The following MTAP variants were observed in gnomAD, a reference collection of about 807,000 sequenced individuals.
MTAP encodes methylthioadenosine phosphorylase, also known as S-methyl-5'-thioadenosine phosphorylase.
MTAP carries 33 observed loss-of-function variants against 33.6 expected under a neutral mutation model. The observed-to-expected ratio is 0.98, with a 90% CI of 0.74 to 1.31. MTAP has a LOEUF of 1.31. MTAP is among the 40% of genes most tolerant of loss of function. The probability of loss-of-function intolerance (pLI) is 0.00; values close to 1 mark genes in which losing one functional copy is unlikely to be tolerated. For synonymous variants in MTAP, 148 were observed against 125.7 expected, an observed-to-expected ratio of 1.18 and a Z score of -1.19; for missense variants, 367 against 360.0, an observed-to-expected ratio of 1.02 and a Z score of -0.16.
rs190955657 is a variant in MTAP at position 21,912,459 on chromosome 9, G to C, written c.148-18549G>C. Among the ~76,000 whole-genome samples the C allele has an allele frequency of 8.1e-4, 124 of 152,270 alleles. 1 individual carries two copies. Among genetic ancestry groups the C allele is most frequent in the Non-Finnish European group, 1.8e-4 (12 of 68,018 alleles). On this transcript the variant is annotated intron_variant, in intron 1 of 1. Transcript: ENST00000577563. ...ATGATCAAGTGGGCTTCATCCCTGG[G>C]ATGCAAGGCTGGTTCAACATACACA...
intron 1 of MTAP, among the ~76,000 whole-genome samples, chr9:21,885,844 C>T (rs1231342727): frequency 6.7e-6 from 1 of 148,906 alleles, no homozygotes; most frequent in Non-Finnish European, 1.5e-5. Flanking sequence ...TTTTCTTCAT[C>T]CACTCGTTGA....
At chr9:21,885,497 T>G (rs1414983876) in intron 1 of MTAP, among the ~76,000 whole-genome samples, 1 of 152,018 alleles carries the variant, frequency 6.6e-6, no homozygotes, top group East Asian at 1.9e-4. Flanking sequence ...TTAGTGTTGA[T>G]TTCCAAAATT....
chr9:21,850,202 C>A (rs1197686903), intron 5 of MTAP, among the ~76,000 whole-genome samples: 5 of 152,200 alleles, frequency 3.3e-5, no homozygotes, highest in East Asian at 1.9e-4. Flanking sequence ...ATAAATCTGA[C>A]TAAAATTCAG....
At chr9:21,824,936 T>C (rs1277869832) in intron 4 of MTAP, among the ~76,000 whole-genome samples, 1 of 152,108 alleles carries the variant, frequency 6.6e-6, no homozygotes. Flanking sequence ...TGCCGTTTGC[T>C]AAGACAGTTG....
intron 3 of MTAP, among the ~76,000 whole-genome samples, chr9:21,817,225 G>C (rs1046099678): frequency 6.6e-6 from 1 of 152,168 alleles, no homozygotes; most frequent in African/African-American, 2.4e-5. Context: ...TACAGAGGAG[G>C]CCAAGTCATT....
intron 1 of MTAP, among the ~76,000 whole-genome samples, chr9:21,916,221 T>C (rs957208584): frequency 6.6e-6 from 1 of 152,150 alleles, no homozygotes; most frequent in Non-Finnish European, 1.5e-5. Flanking sequence ...TGTGGCCTCA[T>C]TTGGAAATAG....
downstream of MTAP, chr9:21,934,633 G>A (rs768915488): frequency 4.0e-5 from 6 of 151,436 alleles, no homozygotes; most frequent in Admixed American, 6.6e-5. This position sits in a 1 kb window ranked among gnomAD's most constrained non-coding sequence, Gnocchi z 5.0. Flanking sequence ...TAAGTACAGC[G>A]GTAAAGCAAG....
At position 21,922,353 on chromosome 9, in the gene MTAP, A is replaced by C. The variant is rs1056101452; in HGVS notation, c.148-8655A>C. 6.6e-5 allele frequency among the ~76,000 whole-genome samples: 10 copies of C among 151,962 alleles called. No individual in the cohort carries two copies. Among genetic ancestry groups the C allele is most frequent in the African/African-American group, 2.2e-4 (9 of 41,390 alleles). Reference sequence around the variant, plus strand: ...AACTCCAGAAGCATGCCAACATATAAAACCCCAAGTCAAAGGTCAAACAGG... The same window carrying C: ...AACTCCAGAAGCATGCCAACATATACAACCCCAAGTCAAAGGTCAAACAGG... On this transcript the variant is annotated intron_variant, in intron 1 of 1. Transcript: ENST00000577563. This position sits in a 1 kb window ranked among gnomAD's most constrained non-coding sequence, Gnocchi z 4.8.
intron 4 of MTAP, among the ~76,000 whole-genome samples, chr9:21,821,552 T>G (rs548885841): frequency 3.7e-4 from 56 of 152,342 alleles, no homozygotes; most frequent in African/African-American, 1.3e-3. Flanking sequence ...GATTTTTGCA[T>G]CGATGTTCAT....
intron 1 of MTAP, chr9:21,803,335 A>G (rs948501199): frequency 5.6e-4 from 95 of 170,258 alleles, no homozygotes; most frequent in African/African-American, 2.1e-3. Context: ...TTTTCCTCCA[A>G]ACGTAGGCCT....
At chr9:21,844,148 G>A (rs1398301223) in intron 5 of MTAP, among the ~76,000 whole-genome samples, 2 of 151,964 alleles carry the variant, frequency 1.3e-5, no homozygotes, top group Admixed American at 1.3e-4. Flanking sequence ...GTAAATTCTT[G>A]GAAATATACC....
At chr9:21,821,430 T>TTGA in intron 4 of MTAP, among the ~76,000 whole-genome samples, 1 of 152,348 alleles carries the variant, frequency 6.6e-6, no homozygotes, top group East Asian at 1.9e-4. Flanking sequence ...ATTATGTTTA[T>TTGA]TGATTTGCGT....
downstream of MTAP, among the ~76,000 whole-genome samples, chr9:21,939,166 A>G (rs559004109): frequency 8.5e-5 from 13 of 152,280 alleles, no homozygotes; most frequent in South Asian, 8.3e-4. Flanking sequence ...TCAGGTAAGA[A>G]GTGCCTTTCA....
At chr9:21,840,851 C>G (rs1316517845) in intron 5 of MTAP, among the ~76,000 whole-genome samples, 1 of 152,128 alleles carries the variant, frequency 6.6e-6, no homozygotes, top group Non-Finnish European at 1.5e-5. Flanking sequence ...GTCCAAAGGC[C>G]ATGCTTGCTT....
intron 1 of MTAP, chr9:21,892,928 C>T (rs756043498): frequency 3.9e-5 from 6 of 152,120 alleles, no homozygotes; most frequent in Non-Finnish European, 5.9e-5. Context: ...CCTACACTCT[C>T]GGACCACAGT....
In MTAP at chr9:21,802,769, C is replaced by G; in HGVS notation, c.21C>G (p.Thr7=). ...CAGACATGGCCTCTGGCACCACCAC[C>G]ACCGCCGTGAAGGTGAGATGAGCCC... MASGTT[T]TAVKIGIIGG... The change falls in exon 1 of 8, where the codon ACC becomes ACG. Residue 7 remains threonine, a synonymous_variant. Coordinates refer to ENST00000644715, the MANE Select transcript of MTAP (RefSeq NM_002451.4). 1.2e-6 allele frequency: 2 copies of G among 1,613,084 alleles called. No homozygotes were observed. The highest frequency in any genetic ancestry group is 1.7e-6 in the Non-Finnish European group (2 of 1,179,870).
intron 4 of MTAP, among the ~76,000 whole-genome samples, chr9:21,824,587 C>T (rs181522426): frequency 2.0e-5 from 3 of 152,330 alleles, no homozygotes; most frequent in Admixed American, 1.3e-4. Flanking sequence ...ATTCTCAGAT[C>T]TCAAACTCTG....
At chr9:21,932,943 T>G (rs1818986702), downstream of MTAP, 1 of 152,206 alleles carries the variant, frequency 6.6e-6, no homozygotes, top group African/African-American at 2.4e-5. Flanking sequence ...ATTTTTCCAC[T>G]TTGAAGACAA....
intron 1 of MTAP, among the ~76,000 whole-genome samples, chr9:21,894,450 A>C (rs1340571596): frequency 6.6e-6 from 1 of 151,966 alleles, no homozygotes; most frequent in Admixed American, 6.6e-5. Context: ...ATAGAAAAAA[A>C]AGAAGTCAAC....
Sources: gnomAD v4.1 joint callset for allele counts (sites outside exome capture counted in the v4.1 genomes callset) on GRCh38, gnomAD v4.1.1 for gene constraint, Gnocchi (gnomAD v3.1) non-coding constraint, MANE v1.5 for transcripts, NCBI Gene and HGNC (gene_info 2026-07-23, HGNC 2026-07-21) for gene names.